Variants in DLG2 observed in about 807,000 individuals in gnomAD.
DLG2 encodes discs large MAGUK scaffold protein 2.
Under a neutral mutation model 132.5 loss-of-function variants are expected in DLG2, and 45 were observed. The observed-to-expected ratio is 0.34, with a 90% CI of 0.27 to 0.44. The LOEUF is 0.44. Ranked by LOEUF, DLG2 falls within the 20% of genes least tolerant of loss-of-function variation. DLG2 has a pLI of 1.00. For synonymous variants in DLG2, 424 were observed against 419.6 expected (o/e 1.01, Z -0.13); for missense variants, 1,045 against 1,196.9 (o/e 0.87, Z 1.87).
At chr11:85,379,638 T>C (rs2085713388) in intron 3 of DLG2, among the ~76,000 whole-genome samples, 2 of 152,202 alleles carry the variant, frequency 1.3e-5, no homozygotes, top group South Asian at 2.1e-4. Context: ...TCAACTATTA[T>C]AATCAGGCTA....
intron 3 of DLG2, among the ~76,000 whole-genome samples, chr11:85,349,748 T>C (rs1395931686): frequency 6.6e-6 from 1 of 152,146 alleles, no homozygotes; most frequent in African/African-American, 2.4e-5. Context: ...AGCTCATCCT[T>C]TTTTATGGCT....
At chr11:84,862,250 C>T (rs2083819825) in intron 6 of DLG2, among the ~76,000 whole-genome samples, 1 of 152,136 alleles carries the variant, frequency 6.6e-6, no homozygotes, top group Middle Eastern at 3.4e-3. Flanking sequence ...TAGAGAAATG[C>T]AAACCAAAAC....
At chr11:84,793,560 T>C (rs1485715428) in intron 6 of DLG2, among the ~76,000 whole-genome samples, 1 of 152,200 alleles carries the variant, frequency 6.6e-6, no homozygotes, top group Non-Finnish European at 1.5e-5. Context: ...TGATGAATAT[T>C]TGCTTTACAT....
intron 7 of DLG2, among the ~76,000 whole-genome samples, chr11:84,355,102 CATATAAGATG>C (rs1402872961): frequency 2.0e-5 from 3 of 151,976 alleles, no homozygotes; most frequent in African/African-American, 7.2e-5. Flanking sequence ...AAAATAGGAT[CATATAAGATG>C]ATACAAGCAT....
At chr11:84,169,162 G>T (rs1233492468) in intron 8 of DLG2, among the ~76,000 whole-genome samples, 1 of 152,120 alleles carries the variant, frequency 6.6e-6, no homozygotes, top group Non-Finnish European at 1.5e-5. Flanking sequence ...TTATTGCAAT[G>T]ATTACATTAG....
intron 6 of DLG2, among the ~76,000 whole-genome samples, chr11:84,859,799 T>C (rs2083370163): frequency 6.6e-6 from 1 of 151,878 alleles, no homozygotes; most frequent in South Asian, 2.1e-4. Flanking sequence ...ATAACAGTCA[T>C]GAATCAGCAC....
At chr11:84,161,654 T>C (rs893497249) in intron 9 of DLG2, among the ~76,000 whole-genome samples, 1 of 152,164 alleles carries the variant, frequency 6.6e-6, no homozygotes, top group Non-Finnish European at 1.5e-5. Context: ...CCAGGGCAAC[T>C]AAATAGTGTT....
chr11:84,903,511 G>A (rs1398964197), intron 6 of DLG2, among the ~76,000 whole-genome samples: 1 of 152,094 alleles, frequency 6.6e-6, no homozygotes. Flanking sequence ...TCAGGGGCAG[G>A]AATCTTTCTT....
intron 6 of DLG2, among the ~76,000 whole-genome samples, chr11:84,583,621 A>G (rs1592931270): frequency 6.6e-6 from 1 of 152,202 alleles, no homozygotes; most frequent in East Asian, 1.9e-4. Context: ...TTAAAACCTG[A>G]ATGATAAATA....
chr11:84,830,958 A>ACC (rs147369970), intron 6 of DLG2, among the ~76,000 whole-genome samples: 17,060 of 79,778 alleles, frequency 0.21, 1,608 homozygotes, highest in Non-Finnish European at 0.28. Context: ...TCCTCCCCCC[A>ACC]CCCCCCCCAG....
At chr11:85,615,591 AAAAT>A (rs1050830443) in intron 2 of DLG2, among the ~76,000 whole-genome samples, 6 of 152,226 alleles carry the variant, frequency 3.9e-5, no homozygotes, top group South Asian at 2.1e-4. Flanking sequence ...TTTATCTAGA[AAAAT>A]AAATAAATAA....
intron 6 of DLG2, among the ~76,000 whole-genome samples, chr11:84,836,168 A>G (rs2079744789): frequency 6.6e-6 from 1 of 151,810 alleles, no homozygotes; most frequent in Non-Finnish European, 1.5e-5. Context: ...AGAATTGGTA[A>G]TTAATTGTAC....
intron 3 of DLG2, among the ~76,000 whole-genome samples, chr11:85,390,983 T>C (rs2086748928): frequency 1.3e-5 from 2 of 151,776 alleles, no homozygotes; most frequent in Admixed American, 1.3e-4. Flanking sequence ...CTGCAAATGA[T>C]ATATGAAACA....
intron 26 of DLG2, among the ~76,000 whole-genome samples, chr11:83,466,163 A>G (rs1413802597): frequency 6.6e-6 from 1 of 152,246 alleles, no homozygotes; most frequent in Non-Finnish European, 1.5e-5. Flanking sequence ...ATGTATGTAA[A>G]GTTTTAATTA....
chr11:84,038,976 A>T (rs2095966409), intron 11 of DLG2, among the ~76,000 whole-genome samples: 1 of 152,044 alleles, frequency 6.6e-6, no homozygotes, highest in Admixed American at 6.6e-5. Flanking sequence ...ACCTCCCACC[A>T]GGCCCCTCCC....
intron 4 of DLG2, among the ~76,000 whole-genome samples, chr11:85,171,851 T>C (rs1042381004): frequency 6.6e-6 from 1 of 152,220 alleles, no homozygotes; most frequent in Non-Finnish European, 1.5e-5. Context: ...TGCCAGATCA[T>C]GGCCAGACTG....
At chr11:84,633,834 G>C (rs2099636212) in intron 6 of DLG2, among the ~76,000 whole-genome samples, 1 of 151,996 alleles carries the variant, frequency 6.6e-6, no homozygotes, top group African/African-American at 2.4e-5. Flanking sequence ...CTCGTTGTTG[G>C]GTTCTTAGTA....
intron 6 of DLG2, among the ~76,000 whole-genome samples, chr11:84,550,841 C>T (rs531969): frequency 0.99 from 150,876 of 152,308 alleles, 74,737 homozygotes; most frequent in Middle Eastern, 1. Context: ...AAGCAAAAAT[C>T]TGTGACTCTG....
rs572223654 is a variant in DLG2, at chr11:84,363,493, G to A, written c.520-112202C>T. 2.3e-3 allele frequency among the ~76,000 whole-genome samples: 344 copies of A among 152,092 alleles called. 1 individual carries two copies. Among genetic ancestry groups the A allele is most frequent in the Non-Finnish European group, 4.2e-3 (288 of 67,992 alleles). ...CACTCTGATGGTAGTTTCTTTTGCTGTGCAGAAGCTCTTTAGTTTAATTAG... is the reference window on the plus strand; with the variant it reads ...CACTCTGATGGTAGTTTCTTTTGCTATGCAGAAGCTCTTTAGTTTAATTAG... On this transcript the variant is annotated intron_variant, in intron 7 of 27. Coordinates refer to ENST00000376104, the MANE Select transcript of DLG2 (RefSeq NM_001142699.3).
Sources: gnomAD v4.1 joint callset for allele counts (sites outside exome capture counted in the v4.1 genomes callset) on GRCh38, gnomAD v4.1.1 for gene constraint, MANE v1.5 for transcripts, NCBI Gene and HGNC (gene_info 2026-07-23, HGNC 2026-07-21) for gene names.